KCNQ1OT1: variants seen among roughly 807,000 people sequenced by gnomAD.
KCNQ1OT1 encodes KCNQ1 opposite strand/antisense transcript 1.
chr11:2,655,797 C>T (rs1054285944), exon 1 of KCNQ1OT1: 4 of 398,362 alleles, frequency 1.0e-5, no homozygotes, highest in East Asian at 3.6e-5. Context: ...GGAGAAAGCA[C>T]GCCCCACAGT....
At chr11:2,672,810 G>A in exon 1 of KCNQ1OT1, 1 of 398,836 alleles carries the variant, frequency 2.5e-6, no homozygotes, top group East Asian at 3.6e-5. Flanking sequence ...CAGAAGGGCT[G>A]GACCAAGTGA....
At chr11:2,681,910 A>T (rs1202987252) in exon 1 of KCNQ1OT1, 2 of 398,518 alleles carry the variant, frequency 5.0e-6, no homozygotes, top group Admixed American at 8.8e-5. Context: ...GCCATAATGA[A>T]CACACGTTTA....
chr11:2,609,089 C>A, exon 1 of KCNQ1OT1: 1 of 397,994 alleles, frequency 2.5e-6, no homozygotes, highest in Non-Finnish European at 4.4e-6. Context: ...GTTTGCTCTT[C>A]TTTTTCTAGT....
chr11:2,651,235 A>C lies in KCNQ1OT1; in HGVS notation n.48760T>G, dbSNP rs558318258. 13 of 398,688 alleles carry C rather than the reference A, an allele frequency of 3.3e-5. No individual in the cohort carries two copies. In the South Asian group the frequency reaches 1.7e-3, roughly 51 times the overall value. The allele number at this position is 398,688 out of a possible 1,614,324, so 24.7% of individuals were successfully genotyped here. On this transcript the variant is annotated non_coding_transcript_exon_variant, in exon 1 of 1. Coordinates refer to ENST00000597346, the Ensembl canonical transcript of KCNQ1OT1. This position sits in a 1 kb window ranked among gnomAD's most constrained non-coding sequence, Gnocchi z 6.1. ...CTTGTGTCAGTCTCACAGCACACAC[A>C]GCTTAATTCAGGAATTAAGCTGTGC...
exon 1 of KCNQ1OT1, chr11:2,672,068 C>T: frequency 2.5e-6 from 1 of 398,704 alleles, no homozygotes; most frequent in Non-Finnish European, 4.4e-6. Flanking sequence ...CTCCCCTGGT[C>T]CCTGGTCTGG....
rs866888035 is a variant in KCNQ1OT1 at position 2,697,631 on chromosome 11, A to G, written n.2364T>C. ...TTTTTCTGCCTCTATTGAGGGAACC[A>G]TATGGTTTTTCTCCTGTAGCCTCTT... On this transcript the variant is annotated non_coding_transcript_exon_variant, in exon 1 of 1. Coordinates refer to ENST00000597346, the Ensembl canonical transcript of KCNQ1OT1. The G allele has an allele frequency of 2.8e-5, 11 of 398,600 alleles. 1 individual carries two copies. In the South Asian group the frequency reaches 3.8e-4, roughly 14 times the overall value. The allele number at this position is 398,600 out of a possible 1,614,324, so 24.7% of individuals were successfully genotyped here.
exon 1 of KCNQ1OT1, chr11:2,660,963 C>G (rs770401126): frequency 1.0e-5 from 4 of 398,510 alleles, no homozygotes; most frequent in African/African-American, 8.2e-5. Context: ...TGTGGCCAAT[C>G]TAAACTGTGG....
In KCNQ1OT1 at chr11:2,673,616, CCCA is replaced by C. The variant is rs1378710204; in HGVS notation, n.26376_26378del. 1.3e-5 allele frequency: 5 copies of C among 398,660 alleles called. No individual in the cohort carries two copies. The highest frequency in any genetic ancestry group is 4.4e-6 in the Non-Finnish European group (1 of 226,170). The allele number at this position is 398,660 out of a possible 1,614,324, so 24.7% of individuals were successfully genotyped here. ...AGAGAAGCTAAACGTGACCAGCCTA[CCCA>C]CCTTGCTACTGCTGATGACCACCCT... On this transcript the variant is annotated non_coding_transcript_exon_variant, in exon 1 of 1. Coordinates refer to ENST00000597346, the Ensembl canonical transcript of KCNQ1OT1. This position sits in a 1 kb window ranked among gnomAD's most constrained non-coding sequence, Gnocchi z 4.5.
At chr11:2,697,650 G>C in exon 1 of KCNQ1OT1, 1 of 398,442 alleles carries the variant, frequency 2.5e-6, no homozygotes, top group African/African-American at 2.1e-5. Flanking sequence ...TTCTCCTGTA[G>C]CCTCTTAATG....
In KCNQ1OT1 at chr11:2,661,332, C is replaced by G. The variant is rs1327988692; in HGVS notation, n.38663G>C. 2.5e-6 allele frequency: 1 copy of G among 404,508 alleles called. No individual in the cohort carries two copies. The highest frequency in any genetic ancestry group is 4.4e-6 in the Non-Finnish European group (1 of 229,192). 25.1% of individuals were successfully genotyped at this position (404,508 alleles called of 1,614,324 possible). A position where few individuals can be genotyped will look rare whatever the true frequency, so the allele number is the denominator to read the frequency against. On this transcript the variant is annotated non_coding_transcript_exon_variant, in exon 1 of 1. Transcript: ENST00000597346. This position sits in a 1 kb window ranked among gnomAD's most constrained non-coding sequence, Gnocchi z 5.9. ...AGTGGGGAGTGATAAGGATCAGTATCCTGAGCTCCTGTGTCAAAGTTGCAG... is the reference window on the plus strand; with the variant it reads ...AGTGGGGAGTGATAAGGATCAGTATGCTGAGCTCCTGTGTCAAAGTTGCAG...
exon 1 of KCNQ1OT1, chr11:2,650,938 C>CT: frequency 2.5e-6 from 1 of 398,370 alleles, no homozygotes. Context: ...TTAAATTATC[C>CT]TTTTTTCTTA....
chr11:2,693,170 A>G lies in KCNQ1OT1; in HGVS notation n.6825T>C, dbSNP rs190641542. 4 of 398,690 alleles carry G rather than the reference A, an allele frequency of 1.0e-5. No individual in the cohort carries two copies. In the Admixed American group the frequency reaches 1.8e-4, roughly 18 times the overall value. 24.7% of individuals were successfully genotyped at this position (398,690 alleles called of 1,614,324 possible). A position where few individuals can be genotyped will look rare whatever the true frequency, so the allele number is the denominator to read the frequency against. On this transcript the variant is annotated non_coding_transcript_exon_variant, in exon 1 of 1. Coordinates refer to ENST00000597346, the Ensembl canonical transcript of KCNQ1OT1. ...TCAGTCTACACTCTGTGATCCACTC[A>G]TGAATATCTGGTCTGGCTCTGCGTT... is the stretch of plus-strand genomic sequence containing the variant.
chr11:2,629,202 T>C, exon 1 of KCNQ1OT1: 1 of 398,380 alleles, frequency 2.5e-6, no homozygotes, highest in African/African-American at 2.1e-5. Flanking sequence ...ATTTCGGCAA[T>C]ATTTATTCTA....
At position 2,627,812 on chromosome 11, in the gene KCNQ1OT1, A is replaced by G. The variant is rs1849285843; in HGVS notation, n.72183T>C. ...GTCATCCAGGCAGGAGTACAGTGGC[A>G]CAATCACAGTTCACTGTAGCCTCAA... On this transcript the variant is annotated non_coding_transcript_exon_variant, in exon 1 of 1. Transcript: ENST00000597346. This position sits in a 1 kb window ranked among gnomAD's most constrained non-coding sequence, Gnocchi z 4.9. The G allele has an allele frequency of 5.0e-6, 2 of 398,280 alleles. No individual in the cohort carries two copies. Among genetic ancestry groups the G allele is most frequent in the South Asian group, 1.3e-4 (1 of 7,682 alleles). 24.7% of individuals were successfully genotyped at this position (398,280 alleles called of 1,614,324 possible).
exon 1 of KCNQ1OT1, chr11:2,662,594 C>T (rs1284842617): frequency 2.4e-6 from 1 of 416,646 alleles, no homozygotes; most frequent in Non-Finnish European, 4.2e-6. Flanking sequence ...TGCCCGTCCT[C>T]CCCCGCCGTC....
At position 2,691,558 on chromosome 11, in the gene KCNQ1OT1, T is replaced by C; in HGVS notation, n.8437A>G. Reference sequence around the variant, plus strand: ...GGGGGATTTCTCTATCCTGAGGTTATGAAATACCTCAGCAAGGACGAGGCC... The same window carrying C: ...GGGGGATTTCTCTATCCTGAGGTTACGAAATACCTCAGCAAGGACGAGGCC... On this transcript the variant is annotated non_coding_transcript_exon_variant, in exon 1 of 1. Coordinates refer to ENST00000597346, the Ensembl canonical transcript of KCNQ1OT1. This position sits in a 1 kb window ranked among gnomAD's most constrained non-coding sequence, Gnocchi z 6.4. 2.5e-6 allele frequency: 1 copy of C among 398,614 alleles called. No individual in the cohort carries two copies. The highest frequency in any genetic ancestry group is 4.4e-6 in the Non-Finnish European group (1 of 226,060). 24.7% of individuals were successfully genotyped at this position (398,614 alleles called of 1,614,324 possible).
At chr11:2,689,697 G>T (rs1433605203) in exon 1 of KCNQ1OT1, 1 of 398,546 alleles carries the variant, frequency 2.5e-6, no homozygotes, top group Non-Finnish European at 4.4e-6. Flanking sequence ...TGCAGGGGCA[G>T]CTGTCCTTTG....
chr11:2,648,677 G>GT (rs1190247400), exon 1 of KCNQ1OT1: 1 of 398,438 alleles, frequency 2.5e-6, no homozygotes, highest in East Asian at 3.6e-5. Flanking sequence ...ATTGAGACCC[G>GT]TTTTGTGTCC....
rs1850307275 is a variant in KCNQ1OT1, at chr11:2,677,117, T to C, written n.22878A>G. 3 of 398,546 alleles carry C rather than the reference T, an allele frequency of 7.5e-6. No homozygotes were observed. Among genetic ancestry groups the C allele is most frequent in the African/African-American group, 2.1e-5 (1 of 48,652 alleles). The allele number at this position is 398,546 out of a possible 1,614,324, so 24.7% of individuals were successfully genotyped here. Reference sequence around the variant, plus strand: ...GAAATGACCACTTATGAAATTAGTTTCCCTGAAACATCCCTCCCTATTGAA... The same window carrying C: ...GAAATGACCACTTATGAAATTAGTTCCCCTGAAACATCCCTCCCTATTGAA... On this transcript the variant is annotated non_coding_transcript_exon_variant, in exon 1 of 1. Transcript: ENST00000597346. This position sits in a 1 kb window ranked among gnomAD's most constrained non-coding sequence, Gnocchi z 4.5.
Sources: allele counts gnomAD v4.1 joint callset, GRCh38; gene constraint gnomAD v4.1.1; non-coding constraint Gnocchi (gnomAD v3.1); transcripts MANE v1.5; gene names NCBI Gene and HGNC (gene_info 2026-07-23, HGNC 2026-07-21).